ZNF717: variants seen among roughly 807,000 people sequenced by gnomAD.
The protein encoded by ZNF717 is krueppel-like factor X17.
In ZNF717, 9 loss-of-function variants were observed where a neutral mutation model predicts 13.8. The observed-to-expected ratio is 0.65, with a 90% confidence interval of 0.39 to 1.14. The LOEUF (loss-of-function observed/expected upper bound fraction) is 1.14, where lower values mean the gene tolerates loss of function less well. Ranked by LOEUF, ZNF717 falls within the 50% of genes most tolerant of loss-of-function variation. ZNF717 has a pLI of 0.01. For synonymous variants in ZNF717, 327 were observed against 364.1 expected, an observed-to-expected ratio of 0.90 and a Z score of 1.16; for missense variants, 1,040 against 1,080.7, an observed-to-expected ratio of 0.96 and a Z score of 0.53.
Position 75,737,637 on chromosome 3 carries a change from G to A in ZNF717, c.1986C>T (p.Leu662=), listed in dbSNP as rs1328015602. Residue 662 remains leucine, a synonymous_variant, in exon 5 of 5, where the codon CTC becomes CTT. Coordinates refer to ENST00000652011, the MANE Select transcript of ZNF717 (RefSeq NM_001290208.3). The stretch of plus-strand genomic sequence containing the variant: ...CCGTGTGAGTTCTCTGGTGTATGGT[G>A]AGGAATGACTTGCGATGAAAGGTTT... The part of the protein sequence containing the change: ...CGKTFHRKSF[L]TIHQRTHTGK... 2.6e-6 allele frequency: 4 copies of A among 1,544,398 alleles called. No homozygotes were observed. The highest frequency in any genetic ancestry group is 3.5e-6 in the Non-Finnish European group (4 of 1,142,370).
At chr3:75,707,309 C>G (rs1937826443), downstream of ZNF717, among the ~76,000 whole-genome samples, 5 of 152,180 alleles carry the variant, frequency 3.3e-5, no homozygotes. Context: ...CCTTACAATA[C>G]TCCCATGTTA....
At chr3:75,749,468 G>T (rs373635632) in intron 2 of ZNF717, among the ~76,000 whole-genome samples, 1 of 135,336 alleles carries the variant, frequency 7.4e-6, no homozygotes, top group Non-Finnish European at 1.6e-5. Context: ...ATACGATTCC[G>T]GAACACCGCT....
At position 75,738,686 on chromosome 3, in the gene ZNF717, A is replaced by G. The variant is rs1939872554; in HGVS notation, c.937T>C (p.Cys313Arg). Residue 313 changes from cysteine to arginine, a missense_variant, in exon 5 of 5, where the codon TGT (cysteine) becomes CGT (arginine). Physicochemically the swap from Cys to Arg is radical, Grantham distance 180. Around this residue, in one of 3 missense-constraint regions of ZNF717, gnomAD observed 873 missense variants for 832.8 expected, o/e 1.05. Coordinates refer to ENST00000652011, the MANE Select transcript of ZNF717 (RefSeq NM_001290208.3). The stretch of plus-strand genomic sequence containing the variant: ...CTGAACAATTTTTCACACCAGTTAC[A>G]GGCATAAGGTTTTTCCTCAGTAGGC... ...KMPTEEKPYA[C>R]NWCEKLFSYK... 1 of 1,551,892 alleles carries G rather than the reference A, an allele frequency of 6.4e-7. No individual in the cohort carries two copies. Among genetic ancestry groups the G allele is most frequent in the South Asian group, 1.2e-5 (1 of 84,066 alleles).
At chr3:75,780,692 G>A (rs72503568) in intron 2 of ZNF717, among the ~76,000 whole-genome samples, 6 of 146,026 alleles carry the variant, frequency 4.1e-5, no homozygotes, top group African/African-American at 1.0e-4. Flanking sequence ...GAGCCACCAC[G>A]CCCAGCCAAA....
intron 6 of ZNF717, among the ~76,000 whole-genome samples, chr3:75,695,362 A>G (rs1477141280): frequency 6.6e-6 from 1 of 152,302 alleles, no homozygotes; most frequent in Non-Finnish European, 1.5e-5. Flanking sequence ...AAAGAAAGAG[A>G]CCTCAATACA....
At chr3:75,704,414 C>G (rs1937759073) in intron 6 of ZNF717, among the ~76,000 whole-genome samples, 1 of 152,382 alleles carries the variant, frequency 6.6e-6, no homozygotes, top group Non-Finnish European at 1.5e-5. Flanking sequence ...CAGAATCAAT[C>G]AGCTGGCAAG....
At chr3:75,749,700 G>A (rs1453326144) in intron 2 of ZNF717, among the ~76,000 whole-genome samples, 28 of 151,232 alleles carry the variant, frequency 1.9e-4, no homozygotes, top group Non-Finnish European at 1.5e-5. Context: ...CCCTCACTTA[G>A]GATTCCAGAA....
intron 2 of ZNF717, among the ~76,000 whole-genome samples, chr3:75,744,387 T>TAA (rs1940882438): frequency 6.6e-6 from 1 of 152,202 alleles, no homozygotes; most frequent in Non-Finnish European, 1.5e-5. Flanking sequence ...TAACAACAAA[T>TAA]AAAAAGCTGA....
At chr3:75,768,096 A>G (rs140798424) in intron 2 of ZNF717, among the ~76,000 whole-genome samples, 47 of 152,342 alleles carry the variant, frequency 3.1e-4, no homozygotes, top group African/African-American at 9.1e-4. Flanking sequence ...ACTGGGCACT[A>G]ATCAGAGACC....
chr3:75,726,337 G>C (rs1165072698), downstream of ZNF717, among the ~76,000 whole-genome samples: 1 of 152,364 alleles, frequency 6.6e-6, no homozygotes, highest in African/African-American at 2.4e-5. Context: ...CAAATATTTA[G>C]TTAGGACAGG....
At chr3:75,707,605 G>A (rs1937832329), downstream of ZNF717, among the ~76,000 whole-genome samples, 1 of 152,242 alleles carries the variant, frequency 6.6e-6, no homozygotes, top group Non-Finnish European at 1.5e-5. Flanking sequence ...AGTGGGTGCA[G>A]GACAGTGGGT....
At chr3:75,719,274 C>A (rs1463325720) in intron 4 of ZNF717, among the ~76,000 whole-genome samples, 1 of 140,714 alleles carries the variant, frequency 7.1e-6, no homozygotes, top group Non-Finnish European at 1.5e-5. Context: ...GATAGAGTGT[C>A]ACCCTGTCTC....
chr3:75,759,374 C>T (rs1477954886), intron 2 of ZNF717, among the ~76,000 whole-genome samples: 1 of 150,882 alleles, frequency 6.6e-6, no homozygotes, highest in Admixed American at 6.6e-5. Flanking sequence ...CTCCCGGGTT[C>T]ACACCATTCT....
chr3:75,761,973 G>C lies in ZNF717; in HGVS notation c.58-20237C>G, dbSNP rs548818770. ...GGAGGCTGAGGCAGGAGAATTGCTTGAACTTGGAAGGTGGAGGTTGCAGTC... is the reference window on the plus strand; with the variant it reads ...GGAGGCTGAGGCAGGAGAATTGCTTCAACTTGGAAGGTGGAGGTTGCAGTC... On this transcript the variant is annotated intron_variant, in intron 2 of 4. Transcript: ENST00000652011. Among the ~76,000 whole-genome samples the C allele has an allele frequency of 8.9e-4, 136 of 152,270 alleles. No homozygotes were observed. In the Middle Eastern group the frequency reaches 0.021, roughly 23 times the overall value.
downstream of ZNF717, among the ~76,000 whole-genome samples, chr3:75,725,994 C>G (rs202183120): frequency 3.3e-5 from 5 of 152,234 alleles, no homozygotes; most frequent in Non-Finnish European, 5.9e-5. Flanking sequence ...ACATTCTGAT[C>G]TAGACTCAGA....
intron 6 of ZNF717, among the ~76,000 whole-genome samples, chr3:75,701,299 T>A (rs1231183479): frequency 2.0e-5 from 3 of 152,308 alleles, no homozygotes; most frequent in Admixed American, 1.3e-4. Flanking sequence ...TGCTTCCCCA[T>A]CTGCCATGAT....
At chr3:75,723,580 C>T (rs1333666461) in intron 4 of ZNF717, among the ~76,000 whole-genome samples, 2 of 152,218 alleles carry the variant, frequency 1.3e-5, no homozygotes, top group African/African-American at 2.4e-5. Context: ...TGTTCTACAA[C>T]TATAACCTAG....
At chr3:75,720,476 G>C (rs2918476) in intron 4 of ZNF717, among the ~76,000 whole-genome samples, 1 of 151,222 alleles carries the variant, frequency 6.6e-6, no homozygotes, top group Non-Finnish European at 1.5e-5. Flanking sequence ...TAGACACTAG[G>C]GACTTCAAGG....
intron 2 of ZNF717, among the ~76,000 whole-genome samples, chr3:75,743,853 G>A (rs1266406138): frequency 6.6e-6 from 1 of 152,246 alleles, no homozygotes; most frequent in Non-Finnish European, 1.5e-5. Context: ...ACGATAACCA[G>A]AAGTGACACA....
Sources: allele counts gnomAD v4.1 joint callset (sites outside exome capture counted in the v4.1 genomes callset), GRCh38; gene constraint gnomAD v4.1.1; regional missense constraint gnomAD v4.1.1; transcripts MANE v1.5; gene names NCBI Gene and HGNC (gene_info 2026-07-23, HGNC 2026-07-21).